The following KCNJ6 variants were observed in gnomAD, a reference collection of about 807,000 sequenced individuals.
KCNJ6 encodes the protein potassium inwardly rectifying channel subfamily J member 6.
A neutral mutation model predicts 34.2 loss-of-function variants in KCNJ6; 9 were observed. That is an observed-to-expected ratio of 0.26 (90% CI 0.16 to 0.46). The LOEUF (loss-of-function observed/expected upper bound fraction) is 0.46. Ranked by LOEUF, KCNJ6 falls within the 20% of genes least tolerant of loss-of-function variation. The probability of loss-of-function intolerance (pLI) is 1.00; values close to 1 mark genes in which losing one functional copy is unlikely to be tolerated. For synonymous variants in KCNJ6, 196 were observed against 207.1 expected, an observed-to-expected ratio of 0.95 and a Z score of 0.46; for missense variants, 236 against 531.3, an observed-to-expected ratio of 0.44 and a Z score of 5.46.
In KCNJ6 at chr21:37,792,333, CA is replaced by C. The variant is rs2055220868; in HGVS notation, c.25+48324del. Among the ~76,000 whole-genome samples the C allele has an allele frequency of 2.6e-5, 4 of 152,270 alleles. No homozygotes were observed. In the South Asian group the frequency reaches 8.3e-4, roughly 32 times the overall value. On this transcript the variant is annotated intron_variant, in intron 2 of 3. Transcript: ENST00000609713. ...TATGCTGGCTGGGCCACTAGCTGCCCAAATCAATCACTACACTAATTATTTT... is the reference window on the plus strand; with the variant it reads ...TATGCTGGCTGGGCCACTAGCTGCCCAATCAATCACTACACTAATTATTTT...
intron 2 of KCNJ6, among the ~76,000 whole-genome samples, chr21:37,726,158 G>A (rs967655276): frequency 1.3e-5 from 2 of 152,052 alleles, no homozygotes; most frequent in East Asian, 1.9e-4. Flanking sequence ...CACCCCCCTC[G>A]TCCTTCCAAA....
In KCNJ6 at chr21:37,853,846, G is replaced by GTGTATATATATATA. The variant is rs71198897; in HGVS notation, c.-27-13138_-27-13137insTATATATATATACA. 6.9e-4 allele frequency among the ~76,000 whole-genome samples: 80 copies of GTGTATATATATATA among 115,950 alleles called. 1 individual carries two copies. Among genetic ancestry groups the GTGTATATATATATA allele is most frequent in the African/African-American group, 1.4e-3 (36 of 25,106 alleles). The allele number at this position is 115,950 out of a possible 152,430, so 76.1% of individuals were successfully genotyped here. On this transcript the variant is annotated intron_variant, in intron 1 of 3. Coordinates refer to ENST00000609713, the MANE Select transcript of KCNJ6 (RefSeq NM_002240.5). ...GTAGTTAAGAGATACATATATATAT[G>GTGTATATATATATA]TATATATATATATATAAATTACATT...
At chr21:37,842,124 T>A (rs914557819) in intron 1 of KCNJ6, among the ~76,000 whole-genome samples, 1 of 152,266 alleles carries the variant, frequency 6.6e-6, no homozygotes, top group Non-Finnish European at 1.5e-5. Context: ...ATTATCTTGT[T>A]ATTTTACACT....
At chr21:37,798,815 T>A (rs1244669877) in intron 2 of KCNJ6, among the ~76,000 whole-genome samples, 1 of 152,192 alleles carries the variant, frequency 6.6e-6, no homozygotes, top group Non-Finnish European at 1.5e-5. Context: ...AGAAAGGTTC[T>A]AAAATTGATC....
intron 3 of KCNJ6, among the ~76,000 whole-genome samples, chr21:37,696,373 T>C (rs1434934474): frequency 1.3e-5 from 2 of 152,204 alleles, no homozygotes; most frequent in Admixed American, 6.5e-5. Flanking sequence ...CCTCCTGATA[T>C]AATGCACTGG....
At chr21:37,872,743 C>T (rs1227034797) in intron 1 of KCNJ6, among the ~76,000 whole-genome samples, 1 of 152,156 alleles carries the variant, frequency 6.6e-6, no homozygotes, top group African/African-American at 2.4e-5. Flanking sequence ...TGTCCCCACC[C>T]GAATCTCATC....
intron 3 of KCNJ6, among the ~76,000 whole-genome samples, chr21:37,626,232 G>T (rs115050495): frequency 0.011 from 1,642 of 151,198 alleles, 37 homozygotes; most frequent in African/African-American, 0.037. Flanking sequence ...CAGGATTCAA[G>T]CAATTCTCCT....
intron 2 of KCNJ6, among the ~76,000 whole-genome samples, chr21:37,797,376 T>C (rs917622517): frequency 6.6e-6 from 1 of 152,216 alleles, no homozygotes; most frequent in Non-Finnish European, 1.5e-5. Flanking sequence ...GTAGTTACCA[T>C]GCACAAGGAT....
intron 2 of KCNJ6, among the ~76,000 whole-genome samples, chr21:37,741,877 C>A (rs1299694141): frequency 1.3e-5 from 2 of 152,230 alleles, no homozygotes; most frequent in East Asian, 3.8e-4. Context: ...AGCACCAGAA[C>A]TCTTTGGGTT....
chr21:37,747,210 C>G (rs1380850910), intron 2 of KCNJ6, among the ~76,000 whole-genome samples: 1 of 152,074 alleles, frequency 6.6e-6, no homozygotes, highest in Non-Finnish European at 1.5e-5. Flanking sequence ...TTTTTCCCAC[C>G]CCAAAAGGGG....
At chr21:37,632,745 G>A (rs923712018) in intron 3 of KCNJ6, among the ~76,000 whole-genome samples, 3 of 151,938 alleles carry the variant, frequency 2.0e-5, no homozygotes, top group African/African-American at 4.8e-5. Context: ...AAATATAGAC[G>A]AAATGGACAA....
intron 3 of KCNJ6, among the ~76,000 whole-genome samples, chr21:37,709,297 A>C (rs1429048659): frequency 6.6e-6 from 1 of 152,106 alleles, no homozygotes; most frequent in Non-Finnish European, 1.5e-5. Flanking sequence ...GGATCACCTG[A>C]GGTGGGGAGT....
At chr21:37,835,878 T>C (rs1190814500) in intron 2 of KCNJ6, among the ~76,000 whole-genome samples, 2 of 152,258 alleles carry the variant, frequency 1.3e-5, no homozygotes, top group East Asian at 3.8e-4. Flanking sequence ...TGGAATGGGC[T>C]TCTGGTAGTC....
chr21:37,890,279 T>A (rs2055755926), intron 1 of KCNJ6, among the ~76,000 whole-genome samples: 1 of 152,144 alleles, frequency 6.6e-6, no homozygotes, highest in Non-Finnish European at 1.5e-5. Flanking sequence ...TCAGATCTCA[T>A]GAGAACTCCC....
At chr21:37,913,489 T>G (rs2055876829) in intron 1 of KCNJ6, among the ~76,000 whole-genome samples, 2 of 152,212 alleles carry the variant, frequency 1.3e-5, no homozygotes, top group African/African-American at 4.8e-5. Context: ...GAGAGGAAAC[T>G]ATATCTCCAC....
At position 37,622,966 on chromosome 21, in the gene KCNJ6, C is replaced by T. The variant is rs1159334375; in HGVS notation, c.*2193G>A. ...AGCTCCCCAAGCCAAGAGTGCCCTT[C>T]ATTAGGCTGCAGAGAGGTCAAGCCA... is the stretch of plus-strand genomic sequence containing the variant. On this transcript the variant is annotated 3_prime_UTR_variant, in exon 4 of 4. Coordinates refer to ENST00000609713, the MANE Select transcript of KCNJ6 (RefSeq NM_002240.5). 1 of 152,256 alleles carries T rather than the reference C, an allele frequency of 6.6e-6. No homozygotes were observed. The highest frequency in any genetic ancestry group is 1.5e-5 in the Non-Finnish European group (1 of 68,074). 9.4% of individuals were successfully genotyped at this position (152,256 alleles called of 1,614,324 possible).
chr21:37,642,584 C>G (rs1019832594), intron 3 of KCNJ6, among the ~76,000 whole-genome samples: 7 of 152,128 alleles, frequency 4.6e-5, no homozygotes, highest in Non-Finnish European at 1.0e-4. Context: ...AGAAAAGTTT[C>G]TCAAGCATCT....
At chr21:37,822,767 G>A (rs1282702909) in intron 2 of KCNJ6, among the ~76,000 whole-genome samples, 2 of 152,070 alleles carry the variant, frequency 1.3e-5, no homozygotes, top group Admixed American at 6.5e-5. Flanking sequence ...AGAACCTATG[G>A]CTCTGTCAAG....
chr21:37,781,526 A>G (rs2123512718), intron 2 of KCNJ6, among the ~76,000 whole-genome samples: 1 of 152,328 alleles, frequency 6.6e-6, no homozygotes, highest in Non-Finnish European at 1.5e-5. Flanking sequence ...GGCACTAATG[A>G]TGACAACAAT....
Sources: gnomAD v4.1 joint callset for allele counts (sites outside exome capture counted in the v4.1 genomes callset) on GRCh38, gnomAD v4.1.1 for gene constraint, MANE v1.5 for transcripts, NCBI Gene and HGNC (gene_info 2026-07-23, HGNC 2026-07-21) for gene names.